Variants in ZNF236 observed in about 807,000 individuals in gnomAD.
ZNF236 encodes regulated by glucose.
ZNF236 carries 50 observed loss-of-function variants against 191.2 expected under a neutral mutation model. The observed-to-expected ratio is 0.26, with a 90% confidence interval of 0.21 to 0.33. ZNF236 has a LOEUF of 0.33. Ranked by LOEUF, ZNF236 falls within the 10% of genes least tolerant of loss-of-function variation. ZNF236 has a pLI of 1.00. For synonymous variants in ZNF236, 907 were observed against 928.8 expected (o/e 0.98, Z 0.43); for missense variants, 1,754 against 2,374.5 (o/e 0.74, Z 5.43).
chr18:76,947,598 A>G lies in ZNF236; in HGVS notation c.4860A>G (p.Leu1620=), dbSNP rs769455318. The change falls in exon 27 of 31, where the codon CTA becomes CTG. Residue 1620 remains leucine, a synonymous_variant. Coordinates refer to ENST00000320610, the MANE Select transcript of ZNF236 (RefSeq NM_001306089.2). The part of the protein sequence containing the change: ...QGGAGSPQVI[L]VSHTPQSASA... ...GAGCAGGCTCGCCGCAAGTCATACT[A>G]GTGAGCCACACGCCACAGTCAGCGT... 1.4e-5 allele frequency: 22 copies of G among 1,614,048 alleles called. No homozygotes were observed. The highest frequency in any genetic ancestry group is 1.9e-5 in the Non-Finnish European group (22 of 1,179,980).
At chr18:76,876,549 A>G (rs1234113645) in intron 6 of ZNF236, among the ~76,000 whole-genome samples, 2 of 152,226 alleles carry the variant, frequency 1.3e-5, no homozygotes, top group Admixed American at 1.3e-4. Context: ...AGAATCTAAA[A>G]TGAGAAAAAA....
chr18:76,895,360 C>T (rs1408012015), intron 10 of ZNF236, 75 bp downstream of exon 10: 1 of 1,560,650 alleles, frequency 6.4e-7, no homozygotes, highest in Non-Finnish European at 8.7e-7. Context: ...ATATACCAAA[C>T]ACAGGTATGG....
intron 9 of ZNF236, among the ~76,000 whole-genome samples, chr18:76,882,717 C>T (rs1255876476): frequency 6.6e-6 from 1 of 152,128 alleles, no homozygotes; most frequent in African/African-American, 2.4e-5. Flanking sequence ...CTCTTCTTCC[C>T]CTTGATCTGG....
intron 11 of ZNF236, among the ~76,000 whole-genome samples, chr18:76,902,665 G>A (rs577005927): frequency 2.0e-5 from 3 of 152,212 alleles, no homozygotes; most frequent in South Asian, 4.2e-4. Context: ...TCTGCCTCCC[G>A]GGTTCAAGCG....
intron 1 of ZNF236, among the ~76,000 whole-genome samples, chr18:76,842,974 CCTT>C (rs1392199436): frequency 1.3e-5 from 2 of 152,180 alleles, no homozygotes; most frequent in Admixed American, 6.5e-5. Context: ...GGTGAGAGCT[CCTT>C]CTTGGAAGAA....
At position 76,971,855 on chromosome 18, in the gene ZNF236, T is replaced by C. The variant is rs1657104423; in HGVS notation, c.*3516T>C. Among the ~76,000 whole-genome samples the C allele has an allele frequency of 6.6e-6, 1 of 152,354 alleles. No homozygotes were observed. The highest frequency in any genetic ancestry group is 1.5e-5 in the Non-Finnish European group (1 of 68,036). ...TAAGATATATAGAACTGCTTTCTAGTGTATATTAAGGCTATCTCATGCCTG... is the reference window on the plus strand; with the variant it reads ...TAAGATATATAGAACTGCTTTCTAGCGTATATTAAGGCTATCTCATGCCTG... On this transcript the variant is annotated 3_prime_UTR_variant, in exon 31 of 31. Transcript: ENST00000320610.
At chr18:76,959,320 C>A (rs1968602943) in intron 28 of ZNF236, among the ~76,000 whole-genome samples, 1 of 152,134 alleles carries the variant, frequency 6.6e-6, no homozygotes, top group African/African-American at 2.4e-5. Context: ...GGGACAGGAT[C>A]CCCCACAGCC....
At chr18:76,947,687 C>G (rs201736271) in intron 27 of ZNF236, 35 bp downstream of exon 27, 232 of 1,605,362 alleles carry the variant, frequency 1.4e-4, no homozygotes, top group Non-Finnish European at 1.9e-5. Flanking sequence ...GAGCTTTTGT[C>G]GCTTTTAAAA....
rs773532101 is a variant in ZNF236 at position 76,923,221 on chromosome 18, T to C, written c.3661+47T>C. 79 of 1,283,538 alleles carry C rather than the reference T, an allele frequency of 6.2e-5. 1 individual carries two copies. Among genetic ancestry groups the C allele is most frequent in the Non-Finnish European group, 8.3e-5 (73 of 881,832 alleles). 79.5% of individuals were successfully genotyped at this position (1,283,538 alleles called of 1,614,324 possible). A position where few individuals can be genotyped will look rare whatever the true frequency, so the allele number is the denominator to read the frequency against. On this transcript the variant is annotated intron_variant, in intron 21 of 30. Transcript: ENST00000320610. ...CATTGGTAGAGGTCTTAGGATAGCA[T>C]TTCGTATGTTTTGTTCCTATATATT...
intron 30 of ZNF236, among the ~76,000 whole-genome samples, chr18:76,966,333 TCACA>T (rs372462259): frequency 8.8e-5 from 13 of 148,100 alleles, no homozygotes; most frequent in Non-Finnish European, 1.7e-4. Flanking sequence ...CTGCCCCCCT[TCACA>T]CACACACACA....
intron 3 of ZNF236, among the ~76,000 whole-genome samples, chr18:76,858,639 A>G (rs1448285504): frequency 0.013 from 1,500 of 113,374 alleles, no homozygotes; most frequent in Middle Eastern, 0.049. Flanking sequence ...GGTGGAGGCG[A>G]GTGCAGGTGG....
chr18:76,834,725 T>A (rs1975271723), intron 1 of ZNF236: 2 of 442,730 alleles, frequency 4.5e-6, no homozygotes, highest in Non-Finnish European at 8.9e-6. Flanking sequence ...TCATACAACC[T>A]GAACATCATC....
intron 1 of ZNF236, among the ~76,000 whole-genome samples, chr18:76,826,236 C>T (rs888605304): frequency 2.2e-4 from 34 of 151,482 alleles, no homozygotes; most frequent in Non-Finnish European, 4.6e-4. Flanking sequence ...CTCAGCCTCC[C>T]GAGTAACTGG....
chr18:76,828,086 C>G (rs530038257), intron 1 of ZNF236, among the ~76,000 whole-genome samples: 17 of 152,020 alleles, frequency 1.1e-4, no homozygotes, highest in Middle Eastern at 6.8e-3. Flanking sequence ...GTTACCAGTT[C>G]AGGAATTTTC....
At chr18:76,838,336 T>G (rs1338489529) in intron 1 of ZNF236, among the ~76,000 whole-genome samples, 1 of 152,228 alleles carries the variant, frequency 6.6e-6, no homozygotes, top group Non-Finnish European at 1.5e-5. Context: ...TTAGAGCTTT[T>G]TACTGTAGAA....
chr18:76,824,212 A>C lies in ZNF236; in HGVS notation c.55+1550A>C, dbSNP rs1463061469. 4.2e-6 allele frequency: 3 copies of C among 708,134 alleles called. No individual in the cohort carries two copies. The African/African-American group carries it at 5.3e-5, about 12-fold the overall frequency. 43.9% of individuals were successfully genotyped at this position (708,134 alleles called of 1,614,324 possible). On this transcript the variant is annotated intron_variant, in intron 1 of 30. Coordinates refer to ENST00000320610, the MANE Select transcript of ZNF236 (RefSeq NM_001306089.2). The stretch of plus-strand genomic sequence containing the variant: ...ATTTTGTGTTTAGGAAGAAAGAGGT[A>C]ATGGGTAGGAATCAATGTAAACTTA...
At position 76,877,920 on chromosome 18, in the gene ZNF236, G is replaced by A. The variant is rs952281198; in HGVS notation, c.841-89G>A. On this transcript the variant is annotated intron_variant, in intron 6 of 30. Coordinates refer to ENST00000320610, the MANE Select transcript of ZNF236 (RefSeq NM_001306089.2). ...TAGATTATTTCTGTCATTTTGAATG[G>A]AATGGTAAATTATGATTTGCCATAA... 2.9e-6 allele frequency: 3 copies of A among 1,045,666 alleles called. No homozygotes were observed. The African/African-American group carries it at 4.8e-5, about 17-fold the overall frequency. The allele number at this position is 1,045,666 out of a possible 1,614,324, so 64.8% of individuals were successfully genotyped here.
chr18:76,888,058 G>GAAAAAAAAAA (rs66611249), intron 9 of ZNF236: 1 of 104,360 alleles, frequency 9.6e-6, no homozygotes. Flanking sequence ...AGAGTGTTCA[G>GAAAAAAAAAA]AAAAAAAAAA....
At chr18:76,884,730 G>T (rs1311416773) in intron 9 of ZNF236, among the ~76,000 whole-genome samples, 1 of 152,124 alleles carries the variant, frequency 6.6e-6, no homozygotes, top group Non-Finnish European at 1.5e-5. Flanking sequence ...AGACTCATCT[G>T]CTTTTTGAAA....
Sources: gnomAD v4.1 joint callset for allele counts (sites outside exome capture counted in the v4.1 genomes callset) on GRCh38, gnomAD v4.1.1 for gene constraint, MANE v1.5 for transcripts, NCBI Gene and HGNC (gene_info 2026-07-23, HGNC 2026-07-21) for gene names.